FCAMR: variants seen among roughly 807,000 people sequenced by gnomAD.
FCAMR encodes the protein Fc alpha and mu receptor.
A neutral mutation model predicts 52.2 loss-of-function variants in FCAMR; 51 were observed. That is an observed-to-expected ratio of 0.98 (90% CI 0.78 to 1.23). FCAMR has a LOEUF of 1.23. Among genes scored for constraint, FCAMR ranks in the 50% most tolerant of loss-of-function variants. FCAMR has a pLI of 0.00. For synonymous variants in FCAMR, 282 were observed against 262.0 expected (o/e 1.08, Z -0.74); for missense variants, 719 against 712.6 (o/e 1.01, Z -0.10).
At chr1:206,966,605 C>T (rs1334638047) in intron 3 of FCAMR, among the ~76,000 whole-genome samples, 1 of 152,110 alleles carries the variant, frequency 6.6e-6, no homozygotes, top group Non-Finnish European at 1.5e-5. Flanking sequence ...TGGCTGGTGT[C>T]GAACTCCTGA....
intron 5 of FCAMR, 53 bp from the exon 6 acceptor site, chr1:206,961,276 G>T: frequency 6.9e-7 from 1 of 1,443,514 alleles, no homozygotes; most frequent in South Asian, 1.4e-5. Context: ...GCCACCTACT[G>T]GATTTGGCAA....
In FCAMR at chr1:206,958,261, T is replaced by C; in HGVS notation, c.*255A>G. The C allele has an allele frequency of 2.5e-6, 1 of 393,712 alleles. No homozygotes were observed. The highest frequency in any genetic ancestry group is 4.5e-6 in the Non-Finnish European group (1 of 222,552). 24.4% of individuals were successfully genotyped at this position (393,712 alleles called of 1,614,324 possible). On this transcript the variant is annotated 3_prime_UTR_variant, in exon 8 of 8. Transcript: ENST00000324852. ...AGGAATGGAAATTTCATGCTTTTCC[T>C]AGGTGACCTCTTCCAGTGTTTCATA...
At chr1:206,966,982 C>T (rs995594312) in intron 3 of FCAMR, 70 bp downstream of exon 3, 1 of 1,543,146 alleles carries the variant, frequency 6.5e-7, no homozygotes, top group Admixed American at 1.7e-5. Flanking sequence ...CTGTGAGGAC[C>T]TTTAGGGCAG....
chr1:206,967,745 C>A, intron 1 of FCAMR, 94 bp from the exon 2 acceptor site: 1 of 1,193,772 alleles, frequency 8.4e-7, no homozygotes. Flanking sequence ...AAAATTAAAT[C>A]TCAGACCAAG....
At chr1:206,965,326 C>A (rs928847297) in intron 4 of FCAMR, among the ~76,000 whole-genome samples, 2 of 152,142 alleles carry the variant, frequency 1.3e-5, no homozygotes, top group Non-Finnish European at 2.9e-5. Context: ...TCAACCCTTG[C>A]AAATGCACAT....
In FCAMR at chr1:206,961,022, C is replaced by G; in HGVS notation, c.854G>C (p.Gly285Ala). Reference protein sequence around the residue: ...TASAEGRRTPGATRPAAPGTG... With the variant: ...TASAEGRRTPAATRPAAPGTG... ...CCCTGGAGCTGCTGGCCTGGTTGCT[C>G]CTGGGGTTCGTCTTCCCTCAGCTGA... Residue 285 changes from glycine to alanine, a missense_variant, in exon 6 of 8, where the codon GGA (glycine) becomes GCA (alanine). By Grantham distance (60) the Gly-to-Ala change is moderately conservative. Coordinates refer to ENST00000324852, the MANE Select transcript of FCAMR (RefSeq NM_001170631.2). The G allele has an allele frequency of 6.4e-7, 1 of 1,551,886 alleles. No individual in the cohort carries two copies. Among genetic ancestry groups the G allele is most frequent in the Non-Finnish European group, 8.7e-7 (1 of 1,147,052 alleles).
At chr1:206,959,209 C>T (rs936076544) in intron 7 of FCAMR, among the ~76,000 whole-genome samples, 62 of 152,282 alleles carry the variant, frequency 4.1e-4, no homozygotes, top group African/African-American at 1.4e-3. Flanking sequence ...GCAGTTTGGG[C>T]AGAGTGGCTC....
chr1:206,958,771 A>G (rs763551977), intron 7 of FCAMR, 95 bp from the exon 8 acceptor site: 2 of 1,543,438 alleles, frequency 1.3e-6, no homozygotes, highest in Non-Finnish European at 1.8e-6. Flanking sequence ...CAAGTTTTCA[A>G]GAACTTTCTG....
chr1:206,962,463 G>T lies in FCAMR; in HGVS notation c.402C>A (p.Val134=). 6.2e-7 allele frequency: 1 copy of T among 1,613,792 alleles called. No homozygotes were observed. The highest frequency in any genetic ancestry group is 8.5e-7 in the Non-Finnish European group (1 of 1,179,700). The change falls in exon 5 of 8, where the codon GTC becomes GTA. Residue 134 remains valine, a synonymous_variant. Transcript: ENST00000324852. ...TIQCHYAPSS[V]NRHQRKYWCR... ...ACCAGTACTTCCTCTGGTGCCTGTT[G>T]ACAGATGAGGGGGCATAATGGCACT...
chr1:206,961,951 AT>A lies in FCAMR; in HGVS notation c.652+261del, dbSNP rs1232568423. ...CATTCTTGGAGCCGTCTCCAAATAT[AT>A]ATTTCATGACATTTGGGGGACACAG... On this transcript the variant is annotated intron_variant, in intron 5 of 7. Coordinates refer to ENST00000324852, the MANE Select transcript of FCAMR (RefSeq NM_001170631.2). 1.4e-4 allele frequency among the ~76,000 whole-genome samples: 22 copies of A among 152,344 alleles called. No individual in the cohort carries two copies. In the East Asian group the frequency reaches 3.7e-3, roughly 25 times the overall value.
chr1:206,965,949 A>T, intron 3 of FCAMR, 91 bp from the exon 4 acceptor site: 1 of 1,566,854 alleles, frequency 6.4e-7, no homozygotes, highest in Non-Finnish European at 8.7e-7. Context: ...CCAGTTCCAA[A>T]CCCCTGCCAG....
Position 206,960,587 on chromosome 1 carries a change from G to T in FCAMR, c.1289C>A (p.Thr430Asn), listed in dbSNP as rs1208992282. 6.4e-7 allele frequency: 1 copy of T among 1,550,812 alleles called. No individual in the cohort carries two copies. The highest frequency in any genetic ancestry group is 8.7e-7 in the Non-Finnish European group (1 of 1,146,660). The stretch of plus-strand genomic sequence containing the variant: ...GCTGGTCCACACATCTGCAGCTGGA[G>T]TTCCCAAGATCCACACATCTGCAGC... ...TPAADVWILG[T>N]PAADVWTSME... The change falls in exon 6 of 8, where the codon ACT becomes AAT. Residue 430 changes from threonine (T) to asparagine (N), a missense_variant. Coordinates refer to ENST00000324852, the MANE Select transcript of FCAMR (RefSeq NM_001170631.2).
At position 206,961,009 on chromosome 1, in the gene FCAMR, T is replaced by A. The variant is rs1312438252; in HGVS notation, c.867A>T (p.Pro289=). 1.9e-6 allele frequency: 3 copies of A among 1,551,826 alleles called. No homozygotes were observed. The highest frequency in any genetic ancestry group is 2.6e-6 in the Non-Finnish European group (3 of 1,147,050). The change falls in exon 6 of 8, where the codon CCA becomes CCT. Residue 289 remains proline (P), a synonymous_variant. Transcript: ENST00000324852. ...CCCAGCTGCCTGTCCCTGGAGCTGC[T>A]GGCCTGGTTGCTCCTGGGGTTCGTC... is the stretch of plus-strand genomic sequence containing the variant. ...EGRRTPGATR[P]AAPGTGSWAE...
intron 5 of FCAMR, 80 bp downstream of exon 5, chr1:206,962,133 G>T: frequency 1.4e-6 from 2 of 1,402,452 alleles, no homozygotes; most frequent in Non-Finnish European, 2.0e-6. Context: ...AGCCCTTCTG[G>T]GTCTCTGAGG....
In FCAMR at chr1:206,960,940, TG is replaced by T. The variant is rs746443820; in HGVS notation, c.935del (p.Pro312HisfsTer23). 55 of 1,552,078 alleles carry T rather than the reference TG, an allele frequency of 3.5e-5. No individual in the cohort carries two copies. The highest frequency in any genetic ancestry group is 2.4e-5 in the South Asian group (2 of 84,066). ...VKAPAPIPES[P>X]PSKSRSMSNT... ...TGGACATGCTTCTGCTCTTTGAAGGTGGACTCTCTGGAATCGGAGCAGGTGC... is the reference window on the plus strand; with the variant it reads ...TGGACATGCTTCTGCTCTTTGAAGGTGACTCTCTGGAATCGGAGCAGGTGC... On this transcript the variant is annotated frameshift_variant, in exon 6 of 8. Transcript: ENST00000324852. LOFTEE classifies it high-confidence loss of function.
chr1:206,958,424 G>T lies in FCAMR; in HGVS notation c.*92C>A. On this transcript the variant is annotated 3_prime_UTR_variant, in exon 8 of 8. Transcript: ENST00000324852. ...TGCATCAGCTTCTCTTCCCACAGGTGGAGGAAGGATGATGGAAAGAGGCTG... is the reference window on the plus strand; with the variant it reads ...TGCATCAGCTTCTCTTCCCACAGGTTGAGGAAGGATGATGGAAAGAGGCTG... 1 of 1,362,458 alleles carries T rather than the reference G, an allele frequency of 7.3e-7. No individual in the cohort carries two copies. The highest frequency in any genetic ancestry group is 9.9e-7 in the Non-Finnish European group (1 of 1,014,488). The allele number at this position is 1,362,458 out of a possible 1,614,324, so 84.4% of individuals were successfully genotyped here. A position where few individuals can be genotyped will look rare whatever the true frequency, so the allele number is the denominator to read the frequency against.
rs1680694244 is a variant in FCAMR at position 206,965,978 on chromosome 1, A to C, written c.170-120T>G. 5.8e-6 allele frequency: 8 copies of C among 1,379,102 alleles called. No homozygotes were observed. The East Asian group carries it at 2.1e-4, about 35-fold the overall frequency. The allele number at this position is 1,379,102 out of a possible 1,614,324, so 85.4% of individuals were successfully genotyped here. A position where few individuals can be genotyped will look rare whatever the true frequency, so the allele number is the denominator to read the frequency against. ...CTGCCAGGCCAGATAGCTCCAGGCC[A>C]TCCATCAAGTAAGAGCTGCCTGCCC... On this transcript the variant is annotated intron_variant, in intron 3 of 7. Coordinates refer to ENST00000324852, the MANE Select transcript of FCAMR (RefSeq NM_001170631.2).
At chr1:206,962,189 G>A (rs1418654059) in intron 5 of FCAMR, 24 bp downstream of exon 5, 2 of 1,602,404 alleles carry the variant, frequency 1.2e-6, no homozygotes, top group South Asian at 1.1e-5. Context: ...CACCAAGCTT[G>A]GCCCATCAGC....
At chr1:206,959,645 C>G in intron 7 of FCAMR, 34 bp downstream of exon 7, 1 of 1,571,792 alleles carries the variant, frequency 6.4e-7, no homozygotes, top group Non-Finnish European at 8.8e-7. Context: ...GGAACCAGAA[C>G]TCTTCTATCT....
Sources: allele counts gnomAD v4.1 joint callset (sites outside exome capture counted in the v4.1 genomes callset), GRCh38; gene constraint gnomAD v4.1.1; transcripts MANE v1.5; gene names NCBI Gene and HGNC (gene_info 2026-07-23, HGNC 2026-07-21).